The following ARHGAP6 variants were observed in gnomAD, a reference collection of about 807,000 sequenced individuals.
ARHGAP6 encodes Rho GTPase activating protein 6, also known as rho GTPase-activating protein 6.
In ARHGAP6, 16 loss-of-function variants were observed where a neutral mutation model predicts 55.7. The observed-to-expected ratio is 0.29, with a 90% CI of 0.19 to 0.44. ARHGAP6 has a LOEUF of 0.44. Among genes scored for constraint, ARHGAP6 ranks in the 20% least tolerant of loss-of-function variants. The probability of loss-of-function intolerance (pLI) is 1.00; values close to 1 mark genes in which losing one functional copy is unlikely to be tolerated. For synonymous variants in ARHGAP6, 382 were observed against 360.9 expected, an observed-to-expected ratio of 1.06 and a Z score of -0.66; for missense variants, 698 against 808.9, an observed-to-expected ratio of 0.86 and a Z score of 1.66.
intron 1 of ARHGAP6, among the ~76,000 whole-genome samples, chrX:11,459,735 T>C: frequency 8.9e-6 from 1 of 111,809 alleles, no homozygotes; most frequent in South Asian, 3.8e-4. Flanking sequence ...CCAATTACCC[T>C]ACAGAACATC....
At chrX:11,361,334 C>T (rs1158252159) in intron 1 of ARHGAP6, among the ~76,000 whole-genome samples, 1 of 110,128 alleles carries the variant, frequency 9.1e-6, no homozygotes, top group Non-Finnish European at 1.9e-5. Context: ...GAACAGAGCC[C>T]TCAGAAATAA....
At chrX:11,610,129 TAAAA>T (rs59200351) in intron 1 of ARHGAP6, among the ~76,000 whole-genome samples, 5 of 88,770 alleles carry the variant, frequency 5.6e-5, no homozygotes, top group Admixed American at 1.2e-4. Context: ...CTTCCTCCAG[TAAAA>T]AAAAAAAAAA....
At chrX:11,327,109 G>A (rs776944780) in intron 1 of ARHGAP6, among the ~76,000 whole-genome samples, 2 of 111,636 alleles carry the variant, frequency 1.8e-5, no homozygotes, top group Non-Finnish European at 3.8e-5. Flanking sequence ...CTTCATGCTA[G>A]GAAGGAAAAA....
intron 1 of ARHGAP6, among the ~76,000 whole-genome samples, chrX:11,534,947 A>G (rs1037147983): frequency 9.0e-6 from 1 of 111,602 alleles, no homozygotes; most frequent in Non-Finnish European, 1.9e-5. Context: ...GGGCTACTAT[A>G]TTGAACAGTG....
At chrX:11,236,437 C>A (rs1313302122) in intron 2 of ARHGAP6, among the ~76,000 whole-genome samples, 1 of 111,368 alleles carries the variant, frequency 9.0e-6, no homozygotes, top group African/African-American at 3.3e-5. Context: ...CACAGCCAAA[C>A]CATATCATGC....
intron 1 of ARHGAP6, among the ~76,000 whole-genome samples, chrX:11,493,100 C>G: frequency 8.9e-6 from 1 of 112,126 alleles, no homozygotes; most frequent in Non-Finnish European, 1.9e-5. Flanking sequence ...AAACAAATCT[C>G]ATTTTTTTTA....
Position 11,398,343 on chromosome X carries a change from C to T in ARHGAP6, c.589-143636G>A, listed in dbSNP as rs991423843. Among the ~76,000 whole-genome samples, 20 of 108,214 alleles carry T rather than the reference C, an allele frequency of 1.8e-4. No homozygotes were observed. The Admixed American group carries it at 2.0e-3, about 11-fold the overall frequency. 94.0% of individuals were successfully genotyped at this position (108,214 alleles called of 115,157 possible). On this transcript the variant is annotated intron_variant, in intron 1 of 12. Coordinates refer to ENST00000337414, the MANE Select transcript of ARHGAP6 (RefSeq NM_013427.3). ...TTGCAGAGGGAGTAAGAGTTTTACT[C>T]ATCTATATATAATATGAGCACATAA...
intron 1 of ARHGAP6, among the ~76,000 whole-genome samples, chrX:11,559,734 C>T (rs1017673379): frequency 3.7e-5 from 4 of 109,146 alleles, no homozygotes; most frequent in Non-Finnish European, 7.6e-5. Context: ...AAGACCATCC[C>T]GGCTAACACG....
intron 5 of ARHGAP6, among the ~76,000 whole-genome samples, chrX:11,183,387 T>A (rs1263883871): frequency 8.9e-6 from 1 of 112,047 alleles, no homozygotes; most frequent in African/African-American, 3.2e-5. Flanking sequence ...TTGTTCACAT[T>A]TCTGATTGCT....
intron 1 of ARHGAP6, among the ~76,000 whole-genome samples, chrX:11,561,169 G>T (rs1163215205): frequency 1.8e-5 from 2 of 111,680 alleles, no homozygotes; most frequent in Non-Finnish European, 3.8e-5. Flanking sequence ...CAAAGTAAAG[G>T]ATCCTAAGCA....
intron 1 of ARHGAP6, among the ~76,000 whole-genome samples, chrX:11,469,059 A>T (rs886114939): frequency 8.0e-4 from 90 of 112,605 alleles, no homozygotes; most frequent in African/African-American, 2.7e-3. Context: ...ATCTGCCAGC[A>T]CCCTGATCTT....
At position 11,300,525 on chromosome X, in the gene ARHGAP6, G is replaced by A. The variant is rs2048158398; in HGVS notation, c.589-45818C>T. 4 of 841,233 alleles carry A rather than the reference G, an allele frequency of 4.8e-6. No homozygotes were observed. In the South Asian group the frequency reaches 6.7e-5, roughly 14 times the overall value. The allele number at this position is 841,233 out of a possible 1,213,427, so 69.3% of individuals were successfully genotyped here. Reference sequence around the variant, plus strand: ...GGTTGTACATTGTTTTGACAAAACTGAAGCCAGACATGTTATTGTAAATGG... The same window carrying A: ...GGTTGTACATTGTTTTGACAAAACTAAAGCCAGACATGTTATTGTAAATGG... On this transcript the variant is annotated intron_variant, in intron 1 of 12. Transcript: ENST00000337414.
In ARHGAP6 at chrX:11,220,482, A is replaced by T. The variant is rs1356536800; in HGVS notation, c.749-23486T>A. Reference sequence around the variant, plus strand: ...AAGAGAGTGGGGGCCAATATTCAACATTCTTAAAGAAAAGAATTTTCAACC... The same window carrying T: ...AAGAGAGTGGGGGCCAATATTCAACTTTCTTAAAGAAAAGAATTTTCAACC... On this transcript the variant is annotated intron_variant, in intron 2 of 12. Coordinates refer to ENST00000337414, the MANE Select transcript of ARHGAP6 (RefSeq NM_013427.3). Among the ~76,000 whole-genome samples, 11 of 111,495 alleles carry T rather than the reference A, an allele frequency of 9.9e-5. No individual in the cohort carries two copies. The East Asian group carries it at 3.1e-3, about 32-fold the overall frequency.
intron 1 of ARHGAP6, among the ~76,000 whole-genome samples, chrX:11,390,887 A>T (rs1280148329): frequency 8.9e-6 from 1 of 112,156 alleles, no homozygotes; most frequent in East Asian, 2.8e-4. Context: ...TAGTTCAACC[A>T]TTGTGGAAGA....
intron 2 of ARHGAP6, among the ~76,000 whole-genome samples, chrX:11,249,323 T>C (rs982635705): frequency 9.0e-6 from 1 of 111,689 alleles, no homozygotes; most frequent in African/African-American, 3.3e-5. Context: ...GTGTTCAGTG[T>C]ATACTGCTTG....
chrX:11,339,536 A>AAG (rs1490868929), intron 1 of ARHGAP6, among the ~76,000 whole-genome samples: 1 of 110,821 alleles, frequency 9.0e-6, no homozygotes, highest in Admixed American at 9.6e-5. Context: ...TTTCCTCACT[A>AAG]AGTCTCCCTC....
intron 1 of ARHGAP6, chrX:11,265,768 T>TA (rs1274085815): frequency 3.2e-6 from 3 of 929,521 alleles, no homozygotes; most frequent in Non-Finnish European, 2.7e-6. Flanking sequence ...GAGTCTGTTT[T>TA]AAAAAAATTA....
chrX:11,312,615 A>C lies in ARHGAP6; in HGVS notation c.589-57908T>G, dbSNP rs1027013824. Among the ~76,000 whole-genome samples, 3 of 111,441 alleles carry C rather than the reference A, an allele frequency of 2.7e-5. No individual in the cohort carries two copies. The East Asian group carries it at 8.3e-4, about 31-fold the overall frequency. ...GTATCCTAGCCTCCCACATCTTTAG[A>C]GGTGTTTACAAAGCATTTATCACAA... On this transcript the variant is annotated intron_variant, in intron 1 of 12. Coordinates refer to ENST00000337414, the MANE Select transcript of ARHGAP6 (RefSeq NM_013427.3).
chrX:11,359,467 T>C (rs753027184), intron 1 of ARHGAP6, among the ~76,000 whole-genome samples: 1 of 112,424 alleles, frequency 8.9e-6, no homozygotes, highest in Admixed American at 9.4e-5. Flanking sequence ...TGCTCATATG[T>C]ATTATCAATA....
Sources: allele counts gnomAD v4.1 joint callset (sites outside exome capture counted in the v4.1 genomes callset), GRCh38; gene constraint gnomAD v4.1.1; transcripts MANE v1.5; gene names NCBI Gene and HGNC (gene_info 2026-07-23, HGNC 2026-07-21).